Variants in FAM135A observed in about 807,000 individuals in gnomAD.
The protein encoded by FAM135A is protein FAM135A.
Under a neutral mutation model 146.8 loss-of-function variants are expected in FAM135A, and 79 were observed. The ratio of observed to expected loss-of-function variants is 0.54; its 90% CI spans 0.45 to 0.65. FAM135A has a LOEUF of 0.65. Ranked by LOEUF, FAM135A falls within the 30% of genes least tolerant of loss-of-function variation. FAM135A has a pLI of 0.00. For synonymous variants in FAM135A, 562 were observed against 603.6 expected, an observed-to-expected ratio of 0.93 and a Z score of 1.01; for missense variants, 1,623 against 1,758.2, an observed-to-expected ratio of 0.92 and a Z score of 1.38.
At position 70,482,259 on chromosome 6, in the gene FAM135A, GTGTT is replaced by G. The variant is rs1406082089; in HGVS notation, c.823+109_823+112del. On this transcript the variant is annotated intron_variant, in intron 10 of 21. Coordinates refer to ENST00000418814, the MANE Select transcript of FAM135A (RefSeq NM_001162529.3). The stretch of plus-strand genomic sequence containing the variant: ...ATAGTTTTTCTATACTAAAACTACA[GTGTT>G]TGTGTGCTTCACTTCTCTATCAATT... The G allele has an allele frequency of 1.0e-5, 11 of 1,091,492 alleles. No homozygotes were observed. The Admixed American group carries it at 3.1e-4, about 31-fold the overall frequency. The allele number at this position is 1,091,492 out of a possible 1,614,324, so 67.6% of individuals were successfully genotyped here. A position where few individuals can be genotyped will look rare whatever the true frequency, so the allele number is the denominator to read the frequency against.
At chr6:70,514,041 T>C (rs1016231910) in intron 12 of FAM135A, among the ~76,000 whole-genome samples, 2 of 151,882 alleles carry the variant, frequency 1.3e-5, no homozygotes, top group Non-Finnish European at 2.9e-5. Flanking sequence ...CTTGGAGCTC[T>C]AGGTTATTTT....
chr6:70,475,823 C>G, intron 7 of FAM135A, 90 bp downstream of exon 7: 1 of 992,228 alleles, frequency 1.0e-6, no homozygotes, highest in Non-Finnish European at 1.5e-6. Flanking sequence ...AAAATTCATC[C>G]TATCCCTATC....
chr6:70,496,490 A>G (rs1304406241), intron 11 of FAM135A, among the ~76,000 whole-genome samples: 6 of 152,138 alleles, frequency 3.9e-5, no homozygotes, highest in African/African-American at 1.4e-4. Flanking sequence ...TGCTGTGCAG[A>G]AGCTCTTTAG....
intron 2 of FAM135A, among the ~76,000 whole-genome samples, chr6:70,416,813 A>G (rs1226902984): frequency 6.6e-6 from 1 of 152,204 alleles, no homozygotes; most frequent in Non-Finnish European, 1.5e-5. Flanking sequence ...AGAAGAAATC[A>G]TTCTTAATGG....
chr6:70,462,251 A>G (rs1034771778), intron 5 of FAM135A, among the ~76,000 whole-genome samples: 6 of 152,170 alleles, frequency 3.9e-5, no homozygotes, highest in Non-Finnish European at 7.3e-5. Flanking sequence ...ATATGAGAGA[A>G]CACATATGTT....
intron 16 of FAM135A, among the ~76,000 whole-genome samples, chr6:70,532,177 C>T (rs574366807): frequency 1.1e-4 from 16 of 152,096 alleles, no homozygotes; most frequent in African/African-American, 3.9e-4. Context: ...TGCCCGGCCT[C>T]AAACTGATTT....
At position 70,527,751 on chromosome 6, in the gene FAM135A, T is replaced by C. The variant is rs530623629; in HGVS notation, c.3615-541T>C. ...AAACGAGTATATACCACTAATTGTA[T>C]GCAGTCACATTCCCCTCTTCGTTCT... On this transcript the variant is annotated intron_variant, in intron 15 of 21. Coordinates refer to ENST00000418814, the MANE Select transcript of FAM135A (RefSeq NM_001162529.3). Among the ~76,000 whole-genome samples the C allele has an allele frequency of 9.8e-5, 15 of 152,304 alleles. No individual in the cohort carries two copies. The East Asian group carries it at 2.9e-3, about 29-fold the overall frequency.
At chr6:70,506,470 A>G (rs1022785543) in intron 12 of FAM135A, among the ~76,000 whole-genome samples, 2 of 152,134 alleles carry the variant, frequency 1.3e-5, no homozygotes, top group Non-Finnish European at 2.9e-5. Context: ...CATGGATGGT[A>G]TATGAATAAG....
Position 70,502,638 on chromosome 6 carries a change from A to G in FAM135A, c.876A>G (p.Lys292=). 1 of 1,602,242 alleles carries G rather than the reference A, an allele frequency of 6.2e-7. No individual in the cohort carries two copies. The highest frequency in any genetic ancestry group is 1.1e-5 in the South Asian group (1 of 88,324). Residue 292 remains lysine, a splice_region_variant and synonymous_variant, in exon 12 of 22, where the codon AAA becomes AAG. Transcript: ENST00000418814. ...AATTTTTTTTCTTTTCATTTCAGAA[A>G]ATAGAGAATCCTGATGAACTGGCAG... ...RLTELCEEVK[K]IENPDELAEL...
intron 12 of FAM135A, among the ~76,000 whole-genome samples, chr6:70,515,373 A>G (rs1270580967): frequency 6.6e-6 from 1 of 152,238 alleles, no homozygotes; most frequent in Non-Finnish European, 1.5e-5. Context: ...TCAGTAGGTA[A>G]CTGGATAAAC....
intron 4 of FAM135A, among the ~76,000 whole-genome samples, chr6:70,435,938 C>G (rs1414774308): frequency 1.3e-5 from 2 of 152,120 alleles, no homozygotes; most frequent in Non-Finnish European, 2.9e-5. Context: ...GATCCCAGCA[C>G]TTTGGGAGGC....
At chr6:70,420,285 TG>T (rs144503513) in intron 2 of FAM135A, among the ~76,000 whole-genome samples, 19,176 of 152,224 alleles carry the variant, frequency 0.13, 1,479 homozygotes, top group Middle Eastern at 0.19. Flanking sequence ...TGAGAGAATC[TG>T]ATCATTCCCT....
chr6:70,537,953 TTTC>T (rs1797083365), intron 19 of FAM135A, among the ~76,000 whole-genome samples: 1 of 147,740 alleles, frequency 6.8e-6, no homozygotes, highest in Non-Finnish European at 1.5e-5. Context: ...ATTTGAAGTT[TTTC>T]TTCATCTTCT....
rs763954626 is a variant in FAM135A at position 70,440,781 on chromosome 6, C to T, written c.78-11711C>T. 7.1e-4 allele frequency among the ~76,000 whole-genome samples: 108 copies of T among 152,096 alleles called. 2 individuals are homozygous for T. Among genetic ancestry groups the T allele is most frequent in the Admixed American group, 5.1e-3 (78 of 15,274 alleles). ...GGTCTCAAACTTTTTCTTAGTATTACTTAAGATCCTGAAATAATGAAACAA... is the reference window on the plus strand; with the variant it reads ...GGTCTCAAACTTTTTCTTAGTATTATTTAAGATCCTGAAATAATGAAACAA... On this transcript the variant is annotated intron_variant, in intron 4 of 21. Coordinates refer to ENST00000418814, the MANE Select transcript of FAM135A (RefSeq NM_001162529.3).
chr6:70,421,231 A>C (rs1768768794), intron 2 of FAM135A, among the ~76,000 whole-genome samples: 1 of 152,186 alleles, frequency 6.6e-6, no homozygotes, highest in Admixed American at 6.5e-5. Context: ...TTAAGGTAAA[A>C]TGTAATCCCA....
intron 2 of FAM135A, 122 bp from the exon 3 acceptor site, chr6:70,426,317 G>A (rs974836739): frequency 2.6e-5 from 4 of 152,052 alleles, no homozygotes; most frequent in African/African-American, 9.7e-5. Context: ...ATAAGCCTTC[G>A]AAGGACATAT....
At chr6:70,486,361 C>T in intron 10 of FAM135A, 1 of 805,942 alleles carries the variant, frequency 1.2e-6, no homozygotes, top group Non-Finnish European at 1.9e-6. Context: ...ATGTTTCCAC[C>T]ATTCTGAAGA....
chr6:70,480,908 C>T lies in FAM135A; in HGVS notation c.550C>T (p.Arg184Cys), dbSNP rs148260629. 1.3e-4 allele frequency: 213 copies of T among 1,608,816 alleles called. No individual in the cohort carries two copies. The highest frequency in any genetic ancestry group is 6.5e-4 in the East Asian group (29 of 44,692). The change falls in exon 9 of 22, where the codon CGC becomes TGC. Residue 184 changes from arginine (R) to cysteine (C), a missense_variant. This residue lies in a region of FAM135A where 206 missense variants were observed against 194.7 expected (regional missense o/e 1.06). Coordinates refer to ENST00000418814, the MANE Select transcript of FAM135A (RefSeq NM_001162529.3). Reference protein sequence around the residue: ...ALHQPLISFPRPVKTTWLNRN... With the variant: ...ALHQPLISFPCPVKTTWLNRN... ...TAATACTTCTTCCTCCAGCTTTCCT[C>T]GCCCTGTGAAGACAACTTGGTTAAA...
At chr6:70,487,361 GT>G (rs1400848120) in intron 10 of FAM135A, among the ~76,000 whole-genome samples, 6 of 152,024 alleles carry the variant, frequency 3.9e-5, no homozygotes, top group Non-Finnish European at 7.4e-5. Flanking sequence ...TTATCTATGA[GT>G]ATATTAAAAG....
Sources: allele counts gnomAD v4.1 joint callset (sites outside exome capture counted in the v4.1 genomes callset), GRCh38; gene constraint gnomAD v4.1.1; regional missense constraint gnomAD v4.1.1; transcripts MANE v1.5; gene names NCBI Gene and HGNC (gene_info 2026-07-23, HGNC 2026-07-21).